Variants in TRPC3 observed in about 807,000 individuals in gnomAD.
TRPC3 encodes transient receptor potential cation channel subfamily C member 3, also known as short transient receptor potential channel 3.
Under a neutral mutation model 90.9 loss-of-function variants are expected in TRPC3, and 54 were observed. That is an observed-to-expected ratio of 0.59 (90% CI 0.48 to 0.75). The LOEUF is 0.75. Among genes scored for constraint, TRPC3 ranks in the 30% least tolerant of loss-of-function variants. The pLI is 0.00. For missense variants in TRPC3, 918 were observed against 1,194.5 expected, an observed-to-expected ratio of 0.77 and a Z score of 3.41; for synonymous variants, 424 against 450.9, an observed-to-expected ratio of 0.94 and a Z score of 0.75.
intron 3 of TRPC3, among the ~76,000 whole-genome samples, chr4:121,918,473 T>A (rs1279357077): frequency 6.6e-6 from 1 of 152,238 alleles, no homozygotes; most frequent in Non-Finnish European, 1.5e-5. Flanking sequence ...TACATATTTA[T>A]AAAGATTGCA....
rs939307354 is a variant in TRPC3 at position 121,932,334 on chromosome 4, C to A, written c.924G>T (p.Val308=). The change falls in exon 2 of 12, where the codon GTG becomes GTT. Residue 308 remains valine, a synonymous_variant. Transcript: ENST00000379645. The surrounding 1 kb of genome is among the most constrained non-coding windows in gnomAD (Gnocchi z 7.7). ...CGTTGCTGAGCTCTAGGGCCGTAAG[C>A]ACCGGGTCCTCGCTGGACAATGAGA... ...AYLSLSSEDP[V]LTALELSNEL... is the part of the protein sequence containing the mutation. 6.2e-7 allele frequency: 1 copy of A among 1,614,070 alleles called. No homozygotes were observed. Among genetic ancestry groups the A allele is most frequent in the African/African-American group, 1.3e-5 (1 of 74,928 alleles).
intron 3 of TRPC3, among the ~76,000 whole-genome samples, chr4:121,917,212 C>G (rs529439054): frequency 6.6e-6 from 1 of 152,230 alleles, no homozygotes; most frequent in African/African-American, 2.4e-5. Flanking sequence ...GTCACTTTTC[C>G]AAGGTTCTAA....
chr4:121,921,972 G>A (rs1483918215), intron 3 of TRPC3, among the ~76,000 whole-genome samples: 1 of 146,540 alleles, frequency 6.8e-6, no homozygotes, highest in Non-Finnish European at 1.5e-5. Context: ...AGGCTGCAGT[G>A]CAGTGGCGTG....
At chr4:121,904,617 T>C in intron 7 of TRPC3, 100 bp from the exon 8 acceptor site, 2 of 750,428 alleles carry the variant, frequency 2.7e-6, no homozygotes, top group Non-Finnish European at 4.0e-6. Context: ...TGTACAGATG[T>C]AAAATGCCAC....
chr4:121,919,972 A>G (rs946418231), intron 3 of TRPC3, among the ~76,000 whole-genome samples: 1 of 152,190 alleles, frequency 6.6e-6, no homozygotes, highest in Non-Finnish European at 1.5e-5. Flanking sequence ...TCAGCTGCAC[A>G]TCACAGAGCA....
In TRPC3 at chr4:121,914,863, C is replaced by G. The variant is rs1209826763; in HGVS notation, c.1258G>C (p.Ala420Pro). The G allele has an allele frequency of 6.2e-7, 1 of 1,613,800 alleles. No homozygotes were observed. Among genetic ancestry groups the G allele is most frequent in the African/African-American group, 1.3e-5 (1 of 74,896 alleles). The stretch of plus-strand genomic sequence containing the variant: ...ACCAGCACAACGAGACACTTGATAG[C>G]TATGGTCTGCTCCCTTAGGCCTGAG... Reference protein sequence around the residue: ...NLSGLREQTIAIKCLVVLVVA... With the variant: ...NLSGLREQTIPIKCLVVLVVA... Residue 420 changes from alanine (A) to proline (P), a missense_variant, in exon 4 of 12, where the codon GCT (alanine) becomes CCT (proline). Ala to Pro is a conservative substitution (Grantham distance 27). Around this residue, in one of 4 missense-constraint regions of TRPC3, gnomAD observed 609 missense variants for 725.9 expected, o/e 0.84. Coordinates refer to ENST00000379645, the MANE Select transcript of TRPC3 (RefSeq NM_001130698.2).
chr4:121,926,736 G>C (rs1729730017), intron 2 of TRPC3, among the ~76,000 whole-genome samples: 1 of 152,154 alleles, frequency 6.6e-6, no homozygotes, highest in Non-Finnish European at 1.5e-5. Flanking sequence ...CTCTCTCTCT[G>C]TTATTTAGGT....
intron 2 of TRPC3, among the ~76,000 whole-genome samples, chr4:121,929,436 A>G (rs1276766693): frequency 6.6e-6 from 1 of 152,218 alleles, no homozygotes; most frequent in Non-Finnish European, 1.5e-5. Context: ...AGTCAGAACT[A>G]GAAAATTTCA....
In TRPC3 at chr4:121,912,110, A is replaced by C; in HGVS notation, c.1342-17T>G. Reference sequence around the variant, plus strand: ...TTTCCCCAGCTGTAACAAACCAAAGAGGAAAAGTTTGCTTCAGAAAATCTG... The same window carrying C: ...TTTCCCCAGCTGTAACAAACCAAAGCGGAAAAGTTTGCTTCAGAAAATCTG... On this transcript the variant is annotated splice_polypyrimidine_tract_variant and intron_variant, in intron 4 of 11. Transcript: ENST00000379645. The C allele has an allele frequency of 6.2e-7, 1 of 1,609,554 alleles. No homozygotes were observed. The highest frequency in any genetic ancestry group is 8.5e-7 in the Non-Finnish European group (1 of 1,177,420).
rs924448944 is a variant in TRPC3 at position 121,882,251 on chromosome 4, A to C, written c.2623+103T>G. On this transcript the variant is annotated intron_variant, in intron 11 of 11. Coordinates refer to ENST00000379645, the MANE Select transcript of TRPC3 (RefSeq NM_001130698.2). ...CTCCTCCCATCTTAGAGGCATCCAA[A>C]CTATAACCTGGGATTGGATTTTTAA... 24 of 1,003,352 alleles carry C rather than the reference A, an allele frequency of 2.4e-5. No homozygotes were observed. The African/African-American group carries it at 3.8e-4, about 16-fold the overall frequency. 62.2% of individuals were successfully genotyped at this position (1,003,352 alleles called of 1,614,324 possible).
chr4:121,882,315 T>C lies in TRPC3; in HGVS notation c.2623+39A>G, dbSNP rs1578592548. 5 of 1,557,436 alleles carry C rather than the reference T, an allele frequency of 3.2e-6. No individual in the cohort carries two copies. In the East Asian group the frequency reaches 1.1e-4, roughly 36 times the overall value. On this transcript the variant is annotated intron_variant, in intron 11 of 11. Transcript: ENST00000379645. ...ATTAAGTTTTCCAGGTTCATTAAGT[T>C]AGCTATAAAAGGATATTTTTTAAGT...
intron 10 of TRPC3, among the ~76,000 whole-genome samples, chr4:121,893,461 A>T (rs1017077235): frequency 1.3e-5 from 2 of 152,196 alleles, no homozygotes; most frequent in Non-Finnish European, 2.9e-5. Flanking sequence ...GAAAGACAAC[A>T]TATTTGGATT....
chr4:121,879,914 G>T (rs369174871), intron 11 of TRPC3, 36 bp from the exon 12 acceptor site: 8 of 1,500,160 alleles, frequency 5.3e-6, no homozygotes, highest in Non-Finnish European at 7.1e-6. Flanking sequence ...TTGGTAAGTT[G>T]CTCTTTGGAT....
chr4:121,903,943 T>G (rs1728793928), intron 8 of TRPC3, among the ~76,000 whole-genome samples: 1 of 152,152 alleles, frequency 6.6e-6, no homozygotes, highest in African/African-American at 2.4e-5. Context: ...AAATTTTGAC[T>G]GGATAAAGAA....
At chr4:121,913,492 A>C (rs1729184901) in intron 4 of TRPC3, among the ~76,000 whole-genome samples, 1 of 152,182 alleles carries the variant, frequency 6.6e-6, no homozygotes, top group Non-Finnish European at 1.5e-5. Context: ...TGTACTTGTA[A>C]AAGTGCAGGG....
rs570909696 is a variant in TRPC3 at position 121,937,590 on chromosome 4, T to C, written c.216-4548A>G. On this transcript the variant is annotated intron_variant, in intron 1 of 11. Coordinates refer to ENST00000379645, the MANE Select transcript of TRPC3 (RefSeq NM_001130698.2). ...AAGGAGTGATATTTTTAAAAGGTTA[T>C]TGTATCTTTTCAAAAACAATTAAAG... Among the ~76,000 whole-genome samples, 173 of 152,352 alleles carry C rather than the reference T, an allele frequency of 1.1e-3. 2 individuals are homozygous for C. Among genetic ancestry groups the C allele is most frequent in the African/African-American group, 1.4e-3 (60 of 41,578 alleles).
At chr4:121,916,535 G>T (rs1729323608) in intron 3 of TRPC3, among the ~76,000 whole-genome samples, 1 of 152,252 alleles carries the variant, frequency 6.6e-6, no homozygotes, top group South Asian at 2.1e-4. Context: ...AGATCATGAG[G>T]GAGGAGCCTT....
At chr4:121,899,561 A>G in intron 10 of TRPC3, 51 bp downstream of exon 10, 1 of 1,455,186 alleles carries the variant, frequency 6.9e-7, no homozygotes, top group Non-Finnish European at 9.6e-7. Context: ...ACACACGCAG[A>G]CATATATGGA....
rs1728406418 is a variant in TRPC3 at position 121,893,557 on chromosome 4, G to A, written c.2547+6055C>T. On this transcript the variant is annotated intron_variant, in intron 10 of 11. Transcript: ENST00000379645. ...AGAAGTGAAAGAACTAAAGAAATAT[G>A]AGTTAAAAATATTAAATAATCTCCT... is the stretch of plus-strand genomic sequence containing the variant. Among the ~76,000 whole-genome samples the A allele has an allele frequency of 7.2e-5, 11 of 152,096 alleles. No homozygotes were observed. The South Asian group carries it at 1.7e-3, about 23-fold the overall frequency.
Sources: gnomAD v4.1 joint callset for allele counts (sites outside exome capture counted in the v4.1 genomes callset) on GRCh38, gnomAD v4.1.1 for gene constraint, gnomAD v4.1.1 regional missense constraint, Gnocchi (gnomAD v3.1) non-coding constraint, MANE v1.5 for transcripts, NCBI Gene and HGNC (gene_info 2026-07-23, HGNC 2026-07-21) for gene names.